Variants in NCAPG2 observed in about 807,000 individuals in gnomAD.
NCAPG2 encodes the protein condensin-2 complex subunit G2.
NCAPG2 carries 53 observed loss-of-function variants against 141.1 expected under a neutral mutation model. The ratio of observed to expected loss-of-function variants is 0.38; its 90% confidence interval spans 0.30 to 0.47. NCAPG2 has a LOEUF of 0.47. Among genes scored for constraint, NCAPG2 ranks in the 20% least tolerant of loss-of-function variants. The pLI, the probability that NCAPG2 is intolerant of heterozygous loss-of-function variation, is 0.99. For missense variants in NCAPG2, 1,087 were observed against 1,389.0 expected, an observed-to-expected ratio of 0.78 and a Z score of 3.46; for synonymous variants, 499 against 490.7, an observed-to-expected ratio of 1.02 and a Z score of -0.22.
rs189462007 is a variant in NCAPG2, at chr7:158,697,230, T to C, written c.79-3733A>G. Reference sequence around the variant, plus strand: ...AAGATGTTAAGGTGGAAGACAGTGATACTGATGATCCTGACTTGGTACAGG... The same window carrying C: ...AAGATGTTAAGGTGGAAGACAGTGACACTGATGATCCTGACTTGGTACAGG... On this transcript the variant is annotated intron_variant, in intron 2 of 27. Transcript: ENST00000356309. 3.8e-4 allele frequency among the ~76,000 whole-genome samples: 58 copies of C among 152,356 alleles called. 1 individual carries two copies. Among genetic ancestry groups the C allele is most frequent in the Admixed American group, 3.3e-3 (50 of 15,306 alleles).
chr7:158,662,502 C>G (rs1172811878), intron 15 of NCAPG2, 135 bp from the exon 16 acceptor site: 4 of 723,896 alleles, frequency 5.5e-6, no homozygotes, highest in Non-Finnish European at 8.3e-6. Flanking sequence ...CTACTCTCCA[C>G]TTTAGAATCT....
rs1488315719 is a variant in NCAPG2 at position 158,664,667 on chromosome 7, G to A, written c.1563C>T (p.Leu521=). 6.2e-7 allele frequency: 1 copy of A among 1,614,144 alleles called. No individual in the cohort carries two copies. Among genetic ancestry groups the A allele is most frequent in the Admixed American group, 1.7e-5 (1 of 60,010 alleles). ...TCACAGGCAGGAAAGAATTAAAGAT[G>A]AGGCTCACCAGGCGCCGAGACACAG... ...SRPVSRRLVS[L]IFNSFLPVNQ... The change falls in exon 14 of 28, where the codon CTC becomes CTT. Residue 521 remains leucine (L), a synonymous_variant. Transcript: ENST00000356309.
At position 158,687,343 on chromosome 7, in the gene NCAPG2, C is replaced by G. The variant is rs759056845; in HGVS notation, c.767+5G>C. ...CACAAAATCTTCAGTACTTTTAACA[C>G]TTACTTTTGTAATCCCTGTAACTGG... On this transcript the variant is annotated splice_donor_5th_base_variant and intron_variant, in intron 7 of 27. Transcript: ENST00000356309. The G allele has an allele frequency of 3.1e-5, 49 of 1,594,260 alleles. No homozygotes were observed. The highest frequency in any genetic ancestry group is 4.1e-5 in the Non-Finnish European group (48 of 1,167,608).
rs1216412672 is a variant in NCAPG2, at chr7:158,675,587, T to C, written c.1216A>G (p.Lys406Glu). The change falls in exon 12 of 28, where the codon AAG becomes GAG. Residue 406 changes from lysine (K) to glutamate (E), a missense_variant. Coordinates refer to ENST00000356309, the MANE Select transcript of NCAPG2 (RefSeq NM_017760.7). ...GTCGGGGGCATCATTTCCCAGTACT[T>C]AGAAGTTATTTTACAAACACCAAGG... is the stretch of plus-strand genomic sequence containing the variant. ...GILGVCKITS[K>E]YWEMMPPTIL... is the part of the protein sequence containing the mutation. 1.2e-6 allele frequency: 2 copies of C among 1,613,718 alleles called. No individual in the cohort carries two copies. The highest frequency in any genetic ancestry group is 1.7e-6 in the Non-Finnish European group (2 of 1,179,910).
At chr7:158,688,885 T>C (rs1212382512) in intron 6 of NCAPG2, among the ~76,000 whole-genome samples, 1 of 152,178 alleles carries the variant, frequency 6.6e-6, no homozygotes, top group African/African-American at 2.4e-5. Flanking sequence ...AGGAAACTTA[T>C]TCTGTACCTC....
rs1587134577 is a variant in NCAPG2, at chr7:158,657,571, G to C, written c.2060+767C>G. 2.6e-5 allele frequency among the ~76,000 whole-genome samples: 4 copies of C among 152,352 alleles called. No individual in the cohort carries two copies. The East Asian group carries it at 7.7e-4, about 29-fold the overall frequency. ...ACCCGGCCAGCCGCCCCGTCCGGGA[G>C]GTGAGGGGTGCCTCTGCCTGGCCGC... On this transcript the variant is annotated intron_variant, in intron 17 of 27. Transcript: ENST00000356309.
intron 27 of NCAPG2, among the ~76,000 whole-genome samples, chr7:158,632,765 T>G (rs578150091): frequency 2.2e-4 from 33 of 152,304 alleles, no homozygotes; most frequent in African/African-American, 7.7e-4. Context: ...GATCAAGACC[T>G]TGCTTCTTTT....
In NCAPG2 at chr7:158,646,555, G is replaced by A. The variant is rs1443632349; in HGVS notation, c.3084C>T (p.Asp1028=). 3.8e-6 allele frequency: 6 copies of A among 1,570,888 alleles called. No individual in the cohort carries two copies. In the African/African-American group the frequency reaches 4.2e-5, roughly 11 times the overall value. Residue 1028 remains aspartate, a synonymous_variant, in exon 25 of 28, where the codon GAC becomes GAT. Transcript: ENST00000356309. ...GCTCTGGAGGGGTAAGCTCTTCTACGTCAGAAACCTAAAAAAGTTCCAAAT... is the reference window on the plus strand; with the variant it reads ...GCTCTGGAGGGGTAAGCTCTTCTACATCAGAAACCTAAAAAAGTTCCAAAT... ...EISHQLRKVS[D]VEELTPPEHL...
chr7:158,676,367 C>T (rs534684097), intron 11 of NCAPG2, among the ~76,000 whole-genome samples: 4 of 152,218 alleles, frequency 2.6e-5, no homozygotes, highest in Admixed American at 2.6e-4. Flanking sequence ...AAGATTATGG[C>T]AAGAGAGCTC....
chr7:158,656,630 G>A lies in NCAPG2; in HGVS notation c.2136C>T (p.Cys712=). 6.2e-7 allele frequency: 1 copy of A among 1,614,122 alleles called. No homozygotes were observed. The highest frequency in any genetic ancestry group is 8.5e-7 in the Non-Finnish European group (1 of 1,180,036). ...VDKSYCTLLD[C]LCSWGQVGHI... Reference sequence around the variant, plus strand: ...GCCCCACCTGCCCCCAGGAGCAGAGGCAATCCAACAAAGTGCAGTAGCTCT... The same window carrying A: ...GCCCCACCTGCCCCCAGGAGCAGAGACAATCCAACAAAGTGCAGTAGCTCT... The change falls in exon 18 of 28, where the codon TGC becomes TGT. Residue 712 remains cysteine (C), a synonymous_variant. Transcript: ENST00000356309.
At chr7:158,668,407 T>C in intron 13 of NCAPG2, 1 of 982,194 alleles carries the variant, frequency 1.0e-6, no homozygotes, top group Non-Finnish European at 1.2e-6. Context: ...TATTACTGTT[T>C]TCTGTTTTGT....
intron 8 of NCAPG2, 143 bp from the exon 9 acceptor site, chr7:158,683,529 A>G (rs1403801179): frequency 2.2e-6 from 1 of 458,244 alleles, no homozygotes; most frequent in Admixed American, 4.2e-5. Context: ...CTTTTGTCCA[A>G]GCTTTCTTAT....
chr7:158,702,805 C>T (rs1236604219), intron 1 of NCAPG2, among the ~76,000 whole-genome samples: 1 of 152,006 alleles, frequency 6.6e-6, no homozygotes, highest in Non-Finnish European at 1.5e-5. Flanking sequence ...GCAAAAATAA[C>T]CTCAGTTTAA....
chr7:158,633,508 C>G lies in NCAPG2; in HGVS notation c.3381-1791G>C, dbSNP rs575349423. Among the ~76,000 whole-genome samples, 4 of 152,340 alleles carry G rather than the reference C, an allele frequency of 2.6e-5. No individual in the cohort carries two copies. In the South Asian group the frequency reaches 8.3e-4, roughly 32 times the overall value. On this transcript the variant is annotated intron_variant, in intron 27 of 27. Transcript: ENST00000356309. This position sits in a 1 kb window ranked among gnomAD's most constrained non-coding sequence, Gnocchi z 4.1. ...ATGTGGAGGCTGCCATGCAGCGACACAGGAGACTCTGGGTGCCCCACAGCC... is the reference window on the plus strand; with the variant it reads ...ATGTGGAGGCTGCCATGCAGCGACAGAGGAGACTCTGGGTGCCCCACAGCC...
rs115551674 is a variant in NCAPG2 at position 158,687,590 on chromosome 7, T to C, written c.673-148A>G. The C allele has an allele frequency of 2.6e-3, 1,590 of 611,194 alleles. 20 individuals carry two copies. In the African/African-American group the frequency reaches 0.027, roughly 10 times the overall value. The allele number at this position is 611,194 out of a possible 1,614,324, so 37.9% of individuals were successfully genotyped here. On this transcript the variant is annotated intron_variant, in intron 6 of 27. Transcript: ENST00000356309. ...TTATCACTGAGAGCACATGCACGAGTTGAGCTGTCTGCGGGGCCTGCACAG... is the reference window on the plus strand; with the variant it reads ...TTATCACTGAGAGCACATGCACGAGCTGAGCTGTCTGCGGGGCCTGCACAG...
chr7:158,673,704 A>G (rs1384487170), intron 12 of NCAPG2, among the ~76,000 whole-genome samples: 1 of 152,254 alleles, frequency 6.6e-6, no homozygotes, highest in Non-Finnish European at 1.5e-5. Flanking sequence ...GACCAGCCGC[A>G]TGCAAACCAC....
intron 27 of NCAPG2, among the ~76,000 whole-genome samples, chr7:158,637,086 T>C (rs1364657015): frequency 6.6e-6 from 1 of 152,094 alleles, no homozygotes; most frequent in Non-Finnish European, 1.5e-5. Flanking sequence ...CAGCTGGGAC[T>C]ACAGGCGCCC....
chr7:158,674,175 A>G (rs1426366306), intron 12 of NCAPG2, among the ~76,000 whole-genome samples: 1 of 152,222 alleles, frequency 6.6e-6, no homozygotes, highest in Non-Finnish European at 1.5e-5. Flanking sequence ...CTTTCTCTGC[A>G]ATGAGGAGAA....
intron 17 of NCAPG2, among the ~76,000 whole-genome samples, chr7:158,657,303 T>C (rs1391892649): frequency 6.6e-6 from 1 of 152,216 alleles, no homozygotes; most frequent in Admixed American, 6.5e-5. Context: ...CAAGGCTGAC[T>C]CCATATGTAT....
Sources: gnomAD v4.1 joint callset for allele counts (sites outside exome capture counted in the v4.1 genomes callset) on GRCh38, gnomAD v4.1.1 for gene constraint, Gnocchi (gnomAD v3.1) non-coding constraint, MANE v1.5 for transcripts, NCBI Gene and HGNC (gene_info 2026-07-23, HGNC 2026-07-21) for gene names.